The following ST3GAL4 variants were observed in gnomAD, a reference collection of about 807,000 sequenced individuals.
The protein encoded by ST3GAL4 is ST3 beta-galactoside alpha-2,3-sialyltransferase 4, also known as CMP-N-acetylneuraminate-beta-galactosamide-alpha-2,3-sialyltransferase 4.
In ST3GAL4, 24 loss-of-function variants were observed where a neutral mutation model predicts 42.6. The ratio of observed to expected loss-of-function variants is 0.56; its 90% confidence interval spans 0.41 to 0.79. The LOEUF is 0.79. ST3GAL4 is among the 30% of genes least tolerant of loss of function. ST3GAL4 has a pLI of 0.00. For synonymous variants in ST3GAL4, 135 were observed against 163.2 expected (o/e 0.83, Z 1.32); for missense variants, 311 against 430.8 (o/e 0.72, Z 2.46).
intron 8 of ST3GAL4, 35 bp downstream of exon 8, chr11:126,408,531 G>A: frequency 6.2e-7 from 1 of 1,610,592 alleles, no homozygotes; most frequent in Non-Finnish European, 8.5e-7. Flanking sequence ...CTGAGGCCTG[G>A]CGGTGGGGAC....
At chr11:126,412,753 G>C (rs928951373) in intron 9 of ST3GAL4, among the ~76,000 whole-genome samples, 1 of 152,202 alleles carries the variant, frequency 6.6e-6, no homozygotes, top group Non-Finnish European at 1.5e-5. Context: ...TTCTGAATGA[G>C]GTCAGGTTCT....
rs1162846412 is a variant in ST3GAL4, at chr11:126,383,824, G to A, written c.-60-22272G>A. Among the ~76,000 whole-genome samples the A allele has an allele frequency of 6.6e-6, 1 of 152,118 alleles. No individual in the cohort carries two copies. Among genetic ancestry groups the A allele is most frequent in the Admixed American group, 6.5e-5 (1 of 15,276 alleles). On this transcript the variant is annotated intron_variant, in intron 1 of 10. Transcript: ENST00000444328. This position sits in a 1 kb window ranked among gnomAD's most constrained non-coding sequence, Gnocchi z 4.5. The stretch of plus-strand genomic sequence containing the variant: ...GCCTGGGCCCTGGACACCTAGAAGG[G>A]CCCCTCCTCCCCTCGTCTTCCCTCC...
In ST3GAL4 at chr11:126,409,381, G is replaced by A. The variant is rs2135555088; in HGVS notation, c.741G>A (p.Leu247=). ...TTGCAGCTGACAAACTGCTGAGCCT[G>A]CCAATGCAACAGCCACGGAAGATTA... ...MEIAADKLLS[L]PMQQPRKIKQ... Residue 247 remains leucine (L), a synonymous_variant, in exon 9 of 11, where the codon CTG becomes CTA. Transcript: ENST00000444328. The surrounding 1 kb of genome is among the most constrained non-coding windows in gnomAD (Gnocchi z 4.9). 6.2e-7 allele frequency: 1 copy of A among 1,614,226 alleles called. No homozygotes were observed. Among genetic ancestry groups the A allele is most frequent in the South Asian group, 1.1e-5 (1 of 91,086 alleles).
At chr11:126,358,919 T>TGGCTGGGCCTCCAGTTTCCC (rs1157547055) in intron 1 of ST3GAL4, among the ~76,000 whole-genome samples, 1 of 152,218 alleles carries the variant, frequency 6.6e-6, no homozygotes, top group Non-Finnish European at 1.5e-5. Context: ...GGTGTGGGTC[T>TGGCTGGGCCTCCAGTTTCCC]GGCTGGGCCT....
chr11:126,365,490 A>G (rs1952391985), intron 1 of ST3GAL4, among the ~76,000 whole-genome samples: 1 of 152,156 alleles, frequency 6.6e-6, no homozygotes, highest in Admixed American at 6.5e-5. Flanking sequence ...GCCCTGGGAT[A>G]TTCCATGGGA....
rs530980908 is a variant in ST3GAL4 at position 126,365,356 on chromosome 11, A to AGGC, written c.-61+9516_-61+9518dup. On this transcript the variant is annotated intron_variant, in intron 1 of 10. Transcript: ENST00000444328. ...GTTCCTCAGGGCTGGGAGGAGGAGG[A>AGGC]GGCGCTGGCCAGGACCTTAGATTAC... 1.4e-4 allele frequency among the ~76,000 whole-genome samples: 21 copies of AGGC among 151,804 alleles called. No homozygotes were observed. In the South Asian group the frequency reaches 4.4e-3, roughly 32 times the overall value.
At chr11:126,412,234 A>G (rs1294823787) in intron 9 of ST3GAL4, among the ~76,000 whole-genome samples, 3 of 152,164 alleles carry the variant, frequency 2.0e-5, no homozygotes, top group Non-Finnish European at 4.4e-5. Context: ...GCCCAGCTGG[A>G]TGAGATAACA....
chr11:126,409,296 C>T lies in ST3GAL4; in HGVS notation c.656C>T (p.Pro219Leu). The part of the protein sequence containing the change: ...RVRKGFWKQP[P>L]LIWDVNPKQI... ...CGAAAGGGTTTCTGGAAACAGCCTC[C>T]CCTCATCTGGGATGTCAATCCTAAA... Residue 219 changes from proline (P) to leucine (L), a missense_variant, in exon 9 of 11, where the codon CCC (proline) becomes CTC (leucine). Coordinates refer to ENST00000444328, the MANE Select transcript of ST3GAL4 (RefSeq NM_001254757.2). The surrounding 1 kb of genome is among the most constrained non-coding windows in gnomAD (Gnocchi z 4.9). 1 of 1,614,220 alleles carries T rather than the reference C, an allele frequency of 6.2e-7. No homozygotes were observed. Among genetic ancestry groups the T allele is most frequent in the Non-Finnish European group, 8.5e-7 (1 of 1,180,044 alleles).
chr11:126,411,302 C>A lies in ST3GAL4; in HGVS notation c.771+1891C>A, dbSNP rs1188890959. On this transcript the variant is annotated intron_variant, in intron 9 of 10. Coordinates refer to ENST00000444328, the MANE Select transcript of ST3GAL4 (RefSeq NM_001254757.2). The surrounding 1 kb of genome is among the most constrained non-coding windows in gnomAD (Gnocchi z 6.3). Reference sequence around the variant, plus strand: ...CTGGGATTACAGGCATGTACCACCACACCTGGCTAATTTTTGTATTTTTAC... The same window carrying A: ...CTGGGATTACAGGCATGTACCACCAAACCTGGCTAATTTTTGTATTTTTAC... Among the ~76,000 whole-genome samples the A allele has an allele frequency of 6.6e-6, 1 of 152,066 alleles. No homozygotes were observed. Among genetic ancestry groups the A allele is most frequent in the African/African-American group, 2.4e-5 (1 of 41,400 alleles).
chr11:126,409,155 G>C lies in ST3GAL4; in HGVS notation c.628-113G>C. 7.4e-7 allele frequency: 1 copy of C among 1,347,182 alleles called. No homozygotes were observed. Among genetic ancestry groups the C allele is most frequent in the South Asian group, 1.3e-5 (1 of 76,506 alleles). The allele number at this position is 1,347,182 out of a possible 1,614,324, so 83.5% of individuals were successfully genotyped here. On this transcript the variant is annotated intron_variant, in intron 8 of 10. Transcript: ENST00000444328. The surrounding 1 kb of genome is among the most constrained non-coding windows in gnomAD (Gnocchi z 4.9). ...CCCTTTCCTCTCACCTTGTGCTCCT[G>C]AAGGCCTCTGCCATCGCTTGGACCC...
At chr11:126,377,783 C>G (rs901640002) in intron 1 of ST3GAL4, among the ~76,000 whole-genome samples, 1 of 152,196 alleles carries the variant, frequency 6.6e-6, no homozygotes, top group South Asian at 2.1e-4. Flanking sequence ...CCAGCAACAC[C>G]TTTCTACCAA....
At position 126,359,601 on chromosome 11, in the gene ST3GAL4, A is replaced by G. The variant is rs1018783644; in HGVS notation, c.-61+3759A>G. Among the ~76,000 whole-genome samples, 4 of 152,216 alleles carry G rather than the reference A, an allele frequency of 2.6e-5. No homozygotes were observed. The highest frequency in any genetic ancestry group is 4.8e-5 in the African/African-American group (2 of 41,452). On this transcript the variant is annotated intron_variant, in intron 1 of 10. Transcript: ENST00000444328. This position sits in a 1 kb window ranked among gnomAD's most constrained non-coding sequence, Gnocchi z 4.8. ...TCAAGGCCACAGTGTATTAGTGTCA[A>G]AGGTGGAACACAAACCCTGACCTCT...
rs2135544062 is a variant in ST3GAL4, at chr11:126,406,641, T to C, written c.101+84T>C. 4 of 1,594,818 alleles carry C rather than the reference T, an allele frequency of 2.5e-6. No homozygotes were observed. The East Asian group carries it at 6.7e-5, about 27-fold the overall frequency. ...GAGCATCATGGAGCGGGGGACCTAGTAGGGCAGGAAGGTTCCAAGAGCCGG... is the reference window on the plus strand; with the variant it reads ...GAGCATCATGGAGCGGGGGACCTAGCAGGGCAGGAAGGTTCCAAGAGCCGG... On this transcript the variant is annotated intron_variant, in intron 3 of 10. Transcript: ENST00000444328. This position sits in a 1 kb window ranked among gnomAD's most constrained non-coding sequence, Gnocchi z 5.4.
Position 126,383,894 on chromosome 11 carries a change from G to A in ST3GAL4, c.-60-22202G>A, listed in dbSNP as rs1217413772. ...CTGAGGGGGTGGGCTTCCTGCGGGGGACAAACTGGAGAGGGACTCTCTTGC... is the reference window on the plus strand; with the variant it reads ...CTGAGGGGGTGGGCTTCCTGCGGGGAACAAACTGGAGAGGGACTCTCTTGC... On this transcript the variant is annotated intron_variant, in intron 1 of 10. Coordinates refer to ENST00000444328, the MANE Select transcript of ST3GAL4 (RefSeq NM_001254757.2). This position sits in a 1 kb window ranked among gnomAD's most constrained non-coding sequence, Gnocchi z 4.5. Among the ~76,000 whole-genome samples the A allele has an allele frequency of 1.3e-5, 2 of 152,144 alleles. No homozygotes were observed. The highest frequency in any genetic ancestry group is 2.9e-5 in the Non-Finnish European group (2 of 68,026).
chr11:126,368,465 T>A (rs1159126830), intron 1 of ST3GAL4, among the ~76,000 whole-genome samples: 5 of 152,118 alleles, frequency 3.3e-5, no homozygotes, highest in Non-Finnish European at 7.3e-5. Context: ...GGCCTTGGGG[T>A]CCCCAGCCTG....
intron 1 of ST3GAL4, among the ~76,000 whole-genome samples, chr11:126,361,365 A>ATTT (rs10627600): frequency 1.2e-4 from 16 of 137,256 alleles, no homozygotes; most frequent in African/African-American, 3.7e-4. Flanking sequence ...CTTGGCTTTA[A>ATTT]TTTTTTTTTT....
intron 1 of ST3GAL4, chr11:126,403,517 A>G (rs1954099394): frequency 1.7e-5 from 15 of 906,178 alleles, no homozygotes; most frequent in South Asian, 5.1e-5. Context: ...ACTATTCCCT[A>G]TTCATGCCTG....
chr11:126,406,918 G>T lies in ST3GAL4; in HGVS notation c.102-25G>T. 1.9e-6 allele frequency: 3 copies of T among 1,608,514 alleles called. No homozygotes were observed. Among genetic ancestry groups the T allele is most frequent in the Non-Finnish European group, 2.6e-6 (3 of 1,175,374 alleles). The stretch of plus-strand genomic sequence containing the variant: ...GTCCCTGGGTCTGACTGGGGCTTCT[G>T]CCTCCTGTCCTTTTTTCTCTCCAGT... On this transcript the variant is annotated intron_variant, in intron 3 of 10. Transcript: ENST00000444328. This position sits in a 1 kb window ranked among gnomAD's most constrained non-coding sequence, Gnocchi z 5.4.
chr11:126,398,073 CTTAT>C lies in ST3GAL4; in HGVS notation c.-60-8020_-60-8017del, dbSNP rs1004698132. Among the ~76,000 whole-genome samples, 5 of 152,194 alleles carry C rather than the reference CTTAT, an allele frequency of 3.3e-5. No individual in the cohort carries two copies. The highest frequency in any genetic ancestry group is 1.2e-4 in the African/African-American group (5 of 41,438). On this transcript the variant is annotated intron_variant, in intron 1 of 10. Transcript: ENST00000444328. This position sits in a 1 kb window ranked among gnomAD's most constrained non-coding sequence, Gnocchi z 4.7. ...TGCTTCTTACCTATAATCCCAAATTCTTATTTGTTTCAGCACCACATTAAAAGTC... is the reference window on the plus strand; with the variant it reads ...TGCTTCTTACCTATAATCCCAAATTCTTGTTTCAGCACCACATTAAAAGTC...
Sources: allele counts gnomAD v4.1 joint callset (sites outside exome capture counted in the v4.1 genomes callset), GRCh38; gene constraint gnomAD v4.1.1; non-coding constraint Gnocchi (gnomAD v3.1); transcripts MANE v1.5; gene names NCBI Gene and HGNC (gene_info 2026-07-23, HGNC 2026-07-21).